The following ARHGAP26 variants were observed in gnomAD, a reference collection of about 807,000 sequenced individuals.
ARHGAP26 encodes rho GTPase-activating protein 26.
In ARHGAP26, 38 loss-of-function variants were observed where a neutral mutation model predicts 104.8. The ratio of observed to expected loss-of-function variants is 0.36; its 90% CI spans 0.28 to 0.48. The LOEUF is 0.48. Among genes scored for constraint, ARHGAP26 ranks in the 20% least tolerant of loss-of-function variants. The pLI, the probability that ARHGAP26 is intolerant of heterozygous loss-of-function variation, is 0.99. For synonymous variants in ARHGAP26, 341 were observed against 340.0 expected, an observed-to-expected ratio of 1.00 and a Z score of -0.03; for missense variants, 704 against 947.9, an observed-to-expected ratio of 0.74 and a Z score of 3.38.
chr5:143,107,929 A>G lies in ARHGAP26; in HGVS notation c.1539-13059A>G, dbSNP rs184392203. Among the ~76,000 whole-genome samples, 71 of 152,352 alleles carry G rather than the reference A, an allele frequency of 4.7e-4. 1 individual carries two copies. The Middle Eastern group carries it at 0.017, about 36-fold the overall frequency. On this transcript the variant is annotated intron_variant, in intron 17 of 22. Coordinates refer to ENST00000645722, the MANE Select transcript of ARHGAP26 (RefSeq NM_001135608.3). ...TTGCATGTGTTGAAGTAAGAACTTT[A>G]TTGGCTTCATTCCCTGACAAATCTA...
At position 142,873,498 on chromosome 5, in the gene ARHGAP26, A is replaced by G. The variant is rs764549933; in HGVS notation, c.250+3A>G. On this transcript the variant is annotated splice_donor_region_variant and intron_variant, in intron 2 of 22. Coordinates refer to ENST00000645722, the MANE Select transcript of ARHGAP26 (RefSeq NM_001135608.3). Reference sequence around the variant, plus strand: ...AACAGATGATGAGATGTGTATAGGTAAGTCATAACTGTGCAGAAGATAAAA... The same window carrying G: ...AACAGATGATGAGATGTGTATAGGTGAGTCATAACTGTGCAGAAGATAAAA... 5.8e-6 allele frequency: 9 copies of G among 1,553,446 alleles called. No homozygotes were observed. Among genetic ancestry groups the G allele is most frequent in the Non-Finnish European group, 7.8e-6 (9 of 1,152,096 alleles).
rs41517244 is a variant in ARHGAP26 at position 143,166,796 on chromosome 5, G to T, written c.1988+19415G>T. Among the ~76,000 whole-genome samples the T allele has an allele frequency of 6.3e-3, 958 of 152,292 alleles. 8 individuals carry two copies. The highest frequency in any genetic ancestry group is 0.022 in the African/African-American group (915 of 41,564). On this transcript the variant is annotated intron_variant, in intron 20 of 22. Coordinates refer to ENST00000645722, the MANE Select transcript of ARHGAP26 (RefSeq NM_001135608.3). Reference sequence around the variant, plus strand: ...TCAGCAGGAACTGAAGGTAGAGCACGTTCGAAGACTGCCAAGTCCAGGACA... The same window carrying T: ...TCAGCAGGAACTGAAGGTAGAGCACTTTCGAAGACTGCCAAGTCCAGGACA...
intron 14 of ARHGAP26, among the ~76,000 whole-genome samples, chr5:143,047,746 T>C (rs1015480801): frequency 3.3e-5 from 5 of 152,184 alleles, no homozygotes; most frequent in African/African-American, 9.7e-5. Context: ...ATACTACTTT[T>C]GTTGAATTGC....
At position 143,121,214 on chromosome 5, in the gene ARHGAP26, T is replaced by G; in HGVS notation, c.1698+67T>G. 7 of 1,530,918 alleles carry G rather than the reference T, an allele frequency of 4.6e-6. No individual in the cohort carries two copies. In the South Asian group the frequency reaches 8.6e-5, roughly 19 times the overall value. The allele number at this position is 1,530,918 out of a possible 1,614,324, so 94.8% of individuals were successfully genotyped here. On this transcript the variant is annotated intron_variant, in intron 18 of 22. Transcript: ENST00000645722. The stretch of plus-strand genomic sequence containing the variant: ...GGGGAAGCTGCATTGGAATTGACCT[T>G]CAGAGTTGGCTCAGATTTGCATTGC...
chr5:143,209,188 CCT>C lies in ARHGAP26; in HGVS notation c.2099+1885_2099+1886del, dbSNP rs1183307640. Among the ~76,000 whole-genome samples, 3 of 152,278 alleles carry C rather than the reference CCT, an allele frequency of 2.0e-5. No individual in the cohort carries two copies. In the East Asian group the frequency reaches 5.8e-4, roughly 29 times the overall value. On this transcript the variant is annotated intron_variant, in intron 21 of 22. Transcript: ENST00000645722. ...TCACTCAGCTAAAATCCTAAAATGTCCTCTCTGCCTTGATGGTACTCACTTTT... is the reference window on the plus strand; with the variant it reads ...TCACTCAGCTAAAATCCTAAAATGTCCTCTGCCTTGATGGTACTCACTTTT...
intron 17 of ARHGAP26, among the ~76,000 whole-genome samples, chr5:143,104,660 C>T (rs28688005): frequency 0.049 from 7,421 of 152,146 alleles, 598 homozygotes; most frequent in African/African-American, 0.17. Context: ...ATATTGGAAA[C>T]AATCTGACTG....
chr5:142,828,041 A>C (rs1325528848), intron 1 of ARHGAP26, among the ~76,000 whole-genome samples: 1 of 152,168 alleles, frequency 6.6e-6, no homozygotes, highest in Admixed American at 6.5e-5. Flanking sequence ...TTCTGGGAAT[A>C]GTTACGCACG....
intron 1 of ARHGAP26, among the ~76,000 whole-genome samples, chr5:142,835,824 T>C (rs1008245156): frequency 1.4e-4 from 21 of 152,246 alleles, no homozygotes; most frequent in Non-Finnish European, 2.6e-4. Flanking sequence ...ATAATTTTCA[T>C]TTAATTTAGC....
Position 143,120,876 on chromosome 5 carries a change from G to T in ARHGAP26, c.1539-112G>T, listed in dbSNP as rs185068815. On this transcript the variant is annotated intron_variant, in intron 17 of 22. Transcript: ENST00000645722. ...GCATCTGACGATGACCCAAGTTCTG[G>T]CTCCTACAGATGAGGAGTCTATAAA... is the stretch of plus-strand genomic sequence containing the variant. 7.7e-3 allele frequency: 8,206 copies of T among 1,061,680 alleles called. 53 individuals carry two copies. Among genetic ancestry groups the T allele is most frequent in the Non-Finnish European group, 9.5e-3 (7,284 of 763,406 alleles). 65.8% of individuals were successfully genotyped at this position (1,061,680 alleles called of 1,614,324 possible).
In ARHGAP26 at chr5:142,805,071, ATTTTCT is replaced by A. The variant is rs550175001; in HGVS notation, c.154+34173_154+34178del. Among the ~76,000 whole-genome samples the A allele has an allele frequency of 9.6e-3, 1,413 of 146,448 alleles. 21 individuals are homozygous for A. Among genetic ancestry groups the A allele is most frequent in the African/African-American group, 0.033 (1,327 of 39,748 alleles). On this transcript the variant is annotated intron_variant, in intron 1 of 22. Coordinates refer to ENST00000645722, the MANE Select transcript of ARHGAP26 (RefSeq NM_001135608.3). ...GTAGTCCATCATGTGGCTATACCAC[ATTTTCT>A]TTTTCTTTTTCTTTTTTTCCTTTCT...
chr5:142,895,953 T>TTA (rs1365392037), intron 6 of ARHGAP26, among the ~76,000 whole-genome samples: 5 of 152,236 alleles, frequency 3.3e-5, no homozygotes, highest in Non-Finnish European at 7.3e-5. Context: ...AAGTCGTCAA[T>TTA]TACTTCAGTC....
intron 1 of ARHGAP26, among the ~76,000 whole-genome samples, chr5:142,781,859 G>C (rs371945780): frequency 6.6e-6 from 1 of 152,000 alleles, no homozygotes; most frequent in South Asian, 2.1e-4. Context: ...CTACAGGTGC[G>C]TGCCACCATG....
chr5:142,898,874 A>T (rs777344867), intron 6 of ARHGAP26, among the ~76,000 whole-genome samples: 6 of 152,162 alleles, frequency 3.9e-5, no homozygotes, highest in Non-Finnish European at 7.4e-5. Context: ...GGGCTGCTGT[A>T]ACAAAGTACC....
intron 1 of ARHGAP26, among the ~76,000 whole-genome samples, chr5:142,864,799 A>G (rs970973441): frequency 6.6e-6 from 1 of 152,186 alleles, no homozygotes; most frequent in African/African-American, 2.4e-5. Flanking sequence ...TACTGTCCTC[A>G]CAGTTACATA....
chr5:143,177,131 G>A (rs1250495843), intron 20 of ARHGAP26, among the ~76,000 whole-genome samples: 1 of 152,160 alleles, frequency 6.6e-6, no homozygotes, highest in African/African-American at 2.4e-5. Flanking sequence ...CTGCTTCAAT[G>A]TGCTGGTTTG....
chr5:143,037,883 C>G (rs1375065832), intron 13 of ARHGAP26, among the ~76,000 whole-genome samples: 2 of 152,152 alleles, frequency 1.3e-5, no homozygotes, highest in African/African-American at 4.8e-5. Flanking sequence ...GGAGCTAGTC[C>G]CTGGGGACCA....
chr5:143,118,507 A>G (rs1795755729), intron 17 of ARHGAP26, among the ~76,000 whole-genome samples: 1 of 152,226 alleles, frequency 6.6e-6, no homozygotes, highest in Non-Finnish European at 1.5e-5. Flanking sequence ...ACAGTGGCTC[A>G]CGCCTATAAT....
intron 1 of ARHGAP26, among the ~76,000 whole-genome samples, chr5:142,826,719 G>A (rs1005359238): frequency 3.9e-5 from 6 of 152,154 alleles, no homozygotes; most frequent in African/African-American, 1.2e-4. Flanking sequence ...CACCAGGTGC[G>A]ATCTAGTTTT....
intron 11 of ARHGAP26, among the ~76,000 whole-genome samples, chr5:142,972,289 C>T (rs1772409750): frequency 6.6e-6 from 1 of 152,094 alleles, no homozygotes. Context: ...GGCCTGCTCT[C>T]CTTCTGATTC....
Sources: allele counts gnomAD v4.1 joint callset (sites outside exome capture counted in the v4.1 genomes callset), GRCh38; gene constraint gnomAD v4.1.1; transcripts MANE v1.5; gene names NCBI Gene and HGNC (gene_info 2026-07-23, HGNC 2026-07-21).